LRRTM4: variants seen among roughly 807,000 people sequenced by gnomAD.
The protein encoded by LRRTM4 is leucine-rich repeat transmembrane neuronal protein 4.
LRRTM4 carries 25 observed loss-of-function variants against 47.6 expected under a neutral mutation model. The observed-to-expected ratio is 0.53, with a 90% CI of 0.38 to 0.73. The LOEUF (loss-of-function observed/expected upper bound fraction) is 0.73. LRRTM4 is among the 30% of genes least tolerant of loss of function. The probability of loss-of-function intolerance (pLI) is 0.00; values close to 1 mark genes in which losing one functional copy is unlikely to be tolerated. For missense variants in LRRTM4, 638 were observed against 713.4 expected (o/e 0.89, Z 1.20); for synonymous variants, 311 against 269.5 (o/e 1.15, Z -1.51).
intron 3 of LRRTM4, among the ~76,000 whole-genome samples, chr2:77,427,255 G>T (rs997944462): frequency 2.0e-5 from 3 of 152,098 alleles, no homozygotes; most frequent in African/African-American, 7.2e-5. Context: ...GGGATTACAG[G>T]CGTGAGCCAC....
intron 3 of LRRTM4, among the ~76,000 whole-genome samples, chr2:76,831,106 G>A (rs1671338149): frequency 1.3e-5 from 2 of 152,038 alleles, no homozygotes; most frequent in African/African-American, 2.4e-5. Flanking sequence ...AGTAGAGATT[G>A]CCTTTCTTTA....
At chr2:77,064,456 T>C (rs750241520) in intron 3 of LRRTM4, among the ~76,000 whole-genome samples, 1 of 152,206 alleles carries the variant, frequency 6.6e-6, no homozygotes, top group Non-Finnish European at 1.5e-5. Flanking sequence ...GTTGGCATTT[T>C]CTTCCTCTTT....
At chr2:77,085,534 C>T (rs936161244) in intron 3 of LRRTM4, among the ~76,000 whole-genome samples, 8 of 151,784 alleles carry the variant, frequency 5.3e-5, no homozygotes, top group South Asian at 2.1e-4. Context: ...CATGGAATCA[C>T]GTATTAAGAA....
At chr2:77,368,784 A>C (rs1351366496) in intron 3 of LRRTM4, among the ~76,000 whole-genome samples, 1 of 151,756 alleles carries the variant, frequency 6.6e-6, no homozygotes, top group African/African-American at 2.4e-5. Flanking sequence ...GGCTGTAGTG[A>C]ATAATGCTGA....
intron 3 of LRRTM4, among the ~76,000 whole-genome samples, chr2:76,802,408 A>C (rs571371320): frequency 7.0e-4 from 106 of 152,156 alleles, no homozygotes; most frequent in Non-Finnish European, 1.4e-3. Flanking sequence ...AAAAAATTTA[A>C]CCAGTGAGGT....
chr2:76,999,887 A>G (rs1005186846), intron 3 of LRRTM4, among the ~76,000 whole-genome samples: 5 of 152,168 alleles, frequency 3.3e-5, no homozygotes, highest in African/African-American at 7.2e-5. Flanking sequence ...GGTGGTTTTC[A>G]TTCTACCTTA....
intron 3 of LRRTM4, among the ~76,000 whole-genome samples, chr2:77,394,032 A>T (rs914253389): frequency 1.3e-4 from 20 of 152,022 alleles, no homozygotes; most frequent in Non-Finnish European, 2.9e-5. Context: ...ATCATACTGC[A>T]ATGAAGTATT....
At position 76,748,873 on chromosome 2, in the gene LRRTM4, T is replaced by C; in HGVS notation, c.1595A>G (p.Gln532Arg). ...MKPLPYYSYDQPVIGYCQAHQ... is the reference protein window; with the variant it reads ...MKPLPYYSYDRPVIGYCQAHQ... ...GGCCTGGCAGTACCCGATCACAGGC[T>C]GGTCATAGCTGTAATATGGCAAGGG... The change falls in exon 4 of 4, where the codon CAG becomes CGG. Residue 532 changes from glutamine (Q) to arginine (R), a missense_variant. Transcript: ENST00000409884. The C allele has an allele frequency of 6.2e-7, 1 of 1,614,004 alleles. No individual in the cohort carries two copies.
intron 3 of LRRTM4, among the ~76,000 whole-genome samples, chr2:76,948,060 G>T (rs1298460671): frequency 6.6e-6 from 1 of 151,826 alleles, no homozygotes; most frequent in Non-Finnish European, 1.5e-5. Flanking sequence ...GGATGGAGAA[G>T]AAAGAAGCTT....
chr2:77,017,100 T>C (rs1248253537), intron 3 of LRRTM4, among the ~76,000 whole-genome samples: 2 of 152,194 alleles, frequency 1.3e-5, no homozygotes, highest in Non-Finnish European at 2.9e-5. Flanking sequence ...CTTTGCTCAT[T>C]GTTTGATAAC....
chr2:77,437,715 C>G (rs1217198702), intron 3 of LRRTM4, among the ~76,000 whole-genome samples: 1 of 152,058 alleles, frequency 6.6e-6, no homozygotes, highest in East Asian at 1.9e-4. Context: ...TAATGACTAT[C>G]TAGTTTAGGG....
intron 3 of LRRTM4, among the ~76,000 whole-genome samples, chr2:76,795,918 T>C (rs980137302): frequency 1.1e-4 from 17 of 151,620 alleles, no homozygotes; most frequent in East Asian, 2.0e-4. Context: ...GTTCATCTCA[T>C]TGGGAGTGCC....
intron 3 of LRRTM4, among the ~76,000 whole-genome samples, chr2:77,047,655 G>A (rs1679279512): frequency 6.6e-6 from 1 of 151,912 alleles, no homozygotes; most frequent in Admixed American, 6.6e-5. Context: ...TTGGATTAAT[G>A]GTCTACCCTA....
chr2:77,407,885 A>T (rs1394092657), intron 3 of LRRTM4, among the ~76,000 whole-genome samples: 1 of 151,248 alleles, frequency 6.6e-6, no homozygotes, highest in East Asian at 1.9e-4. Flanking sequence ...CTTTGATCTG[A>T]GTGTAGCTTT....
intron 3 of LRRTM4, among the ~76,000 whole-genome samples, chr2:77,091,862 T>C (rs1470360919): frequency 1.4e-5 from 2 of 142,442 alleles, no homozygotes; most frequent in Non-Finnish European, 3.0e-5. Context: ...GTCCAACTGA[T>C]CTCTCAAACC....
At chr2:76,903,417 T>A (rs907812486) in intron 3 of LRRTM4, among the ~76,000 whole-genome samples, 1 of 151,966 alleles carries the variant, frequency 6.6e-6, no homozygotes, top group Non-Finnish European at 1.5e-5. Context: ...GCGCCTGTAG[T>A]CCCAGCTACT....
At chr2:77,280,346 A>C (rs889567347) in intron 3 of LRRTM4, among the ~76,000 whole-genome samples, 1 of 152,026 alleles carries the variant, frequency 6.6e-6, no homozygotes, top group African/African-American at 2.4e-5. Context: ...TGACTTCAAA[A>C]CTACAGAAAT....
intron 3 of LRRTM4, among the ~76,000 whole-genome samples, chr2:77,049,646 T>G (rs888011133): frequency 2.0e-5 from 3 of 151,814 alleles, no homozygotes; most frequent in Admixed American, 1.3e-4. Context: ...AATTAATTTT[T>G]TTGTTGTTGA....
intron 3 of LRRTM4, among the ~76,000 whole-genome samples, chr2:77,383,049 A>G (rs1379244692): frequency 1.3e-5 from 2 of 152,080 alleles, no homozygotes; most frequent in Non-Finnish European, 2.9e-5. Flanking sequence ...TTGCTAACAT[A>G]TACAGAGGAT....
Sources: allele counts gnomAD v4.1 joint callset (sites outside exome capture counted in the v4.1 genomes callset), GRCh38; gene constraint gnomAD v4.1.1; transcripts MANE v1.5; gene names NCBI Gene and HGNC (gene_info 2026-07-23, HGNC 2026-07-21).